CUL4A: variants seen among roughly 807,000 people sequenced by gnomAD.
The protein encoded by CUL4A is cullin-4A.
Under a neutral mutation model 95.5 loss-of-function variants are expected in CUL4A, and 16 were observed. The ratio of observed to expected loss-of-function variants is 0.17; its 90% confidence interval spans 0.11 to 0.25. The LOEUF is 0.25. Ranked by LOEUF, CUL4A falls within the 10% of genes least tolerant of loss-of-function variation. The pLI is 1.00. For synonymous variants in CUL4A, 380 were observed against 353.1 expected, an observed-to-expected ratio of 1.08 and a Z score of -0.85; for missense variants, 610 against 937.0, an observed-to-expected ratio of 0.65 and a Z score of 4.56.
At chr13:113,231,523 C>G (rs941136532) in intron 5 of CUL4A, among the ~76,000 whole-genome samples, 3 of 152,124 alleles carry the variant, frequency 2.0e-5, no homozygotes, top group Non-Finnish European at 4.4e-5. Context: ...AAGAGAAGAT[C>G]CCAGTGGCAG....
In CUL4A at chr13:113,239,533, C is replaced by G. The variant is rs760409659; in HGVS notation, c.1017C>G (p.His339Gln). The change falls in exon 10 of 20, where the codon CAC becomes CAG. Residue 339 changes from histidine to glutamine, a missense_variant. His to Gln is a conservative substitution (Grantham distance 24, BLOSUM62 0). Around this residue, in one of 10 missense-constraint regions of CUL4A, gnomAD observed 153 missense variants for 244.5 expected, o/e 0.63. Coordinates refer to ENST00000375440, the MANE Select transcript of CUL4A (RefSeq NM_001008895.4). ...VRGGQQALLQ[H>Q]WSEYIKTFGT... is the part of the protein sequence containing the mutation. ...GCGGGCAGCAGGCGCTGCTGCAGCA[C>G]TGGAGCGAGTACATCAAGGTACTGG... 6.2e-6 allele frequency: 10 copies of G among 1,613,140 alleles called. No individual in the cohort carries two copies. The South Asian group carries it at 1.1e-4, about 18-fold the overall frequency.
intron 8 of CUL4A, among the ~76,000 whole-genome samples, chr13:113,235,798 G>A (rs2139200817): frequency 6.6e-6 from 1 of 152,054 alleles, no homozygotes; most frequent in South Asian, 2.1e-4. Context: ...GTGAAACCCC[G>A]TCTCTACTAA....
At chr13:113,258,369 T>G (rs2042187267) in intron 18 of CUL4A, among the ~76,000 whole-genome samples, 1 of 152,238 alleles carries the variant, frequency 6.6e-6, no homozygotes, top group South Asian at 2.1e-4. Flanking sequence ...ATCACGCCTT[T>G]GCTCCCCCAA....
upstream of CUL4A, chr13:113,208,424 C>A (rs542991540): frequency 8.6e-4 from 1,280 of 1,493,848 alleles, 20 homozygotes; most frequent in Non-Finnish European, 1.0e-4. Flanking sequence ...CTCGGGCCGC[C>A]TTCCCGAGTC....
Position 113,245,979 on chromosome 13 carries a change from A to G in CUL4A, c.1554A>G (p.Ser518=), listed in dbSNP as rs764180399. The change falls in exon 15 of 20, where the codon TCA becomes TCG. Residue 518 remains serine, a synonymous_variant. Transcript: ENST00000375440. ...FKQHMQNQSD[S]GPIDLTVNIL... The stretch of plus-strand genomic sequence containing the variant: ...AGCATATGCAGAATCAGAGTGACTC[A>G]GGCCCTATAGACCTCACAGTGAACA... The G allele has an allele frequency of 1.9e-6, 3 of 1,613,584 alleles. No individual in the cohort carries two copies. In the African/African-American group the frequency reaches 4.0e-5, roughly 22 times the overall value.
rs139845438 is a variant in CUL4A at position 113,228,526 on chromosome 13, T to C, written c.438+481T>C. 5.1e-3 allele frequency among the ~76,000 whole-genome samples: 783 copies of C among 152,254 alleles called. 3 individuals are homozygous for C. Among genetic ancestry groups the C allele is most frequent in the Middle Eastern group, 0.024 (7 of 294 alleles). On this transcript the variant is annotated intron_variant, in intron 4 of 19. Coordinates refer to ENST00000375440, the MANE Select transcript of CUL4A (RefSeq NM_001008895.4). ...GAAATCTTCCGTTTTCTAAATGATATCAGTAGGAGACGATGGGTGTATTTC... is the reference window on the plus strand; with the variant it reads ...GAAATCTTCCGTTTTCTAAATGATACCAGTAGGAGACGATGGGTGTATTTC...
At chr13:113,258,976 A>G (rs2042201605) in intron 18 of CUL4A, among the ~76,000 whole-genome samples, 1 of 152,230 alleles carries the variant, frequency 6.6e-6, no homozygotes, top group Non-Finnish European at 1.5e-5. Flanking sequence ...AAGACAGGCT[A>G]ATGAAATGCT....
chr13:113,234,702 C>T lies in CUL4A; in HGVS notation c.766-361C>T, dbSNP rs1215058077. Among the ~76,000 whole-genome samples the T allele has an allele frequency of 4.6e-5, 7 of 152,280 alleles. No homozygotes were observed. The East Asian group carries it at 5.8e-4, about 13-fold the overall frequency. On this transcript the variant is annotated intron_variant, in intron 7 of 19. Coordinates refer to ENST00000375440, the MANE Select transcript of CUL4A (RefSeq NM_001008895.4). ...ACTTGCTTTTGCTGACCCAGCTGTGCGGGGCAGGGTTGCCATTTAGCACCT... is the reference window on the plus strand; with the variant it reads ...ACTTGCTTTTGCTGACCCAGCTGTGTGGGGCAGGGTTGCCATTTAGCACCT...
chr13:113,238,217 A>C (rs2041606489), intron 9 of CUL4A, among the ~76,000 whole-genome samples: 1 of 152,140 alleles, frequency 6.6e-6, no homozygotes, highest in African/African-American at 2.4e-5. Context: ...ATCACTTTGG[A>C]TCACTTGAGC....
intron 14 of CUL4A, 39 bp downstream of exon 14, chr13:113,245,276 G>A (rs2041826794): frequency 2.6e-6 from 4 of 1,564,492 alleles, no homozygotes; most frequent in Middle Eastern, 1.7e-4. Context: ...TTTTTAAAAA[G>A]TATCTGTTAG....
intron 12 of CUL4A, 43 bp downstream of exon 12, chr13:113,244,557 G>C: frequency 7.1e-7 from 1 of 1,402,740 alleles, no homozygotes; most frequent in South Asian, 1.2e-5. Context: ...ATCAAGAGGT[G>C]TAAACAGGCC....
intron 4 of CUL4A, 66 bp downstream of exon 4, chr13:113,228,111 A>C (rs1482271865): frequency 1.7e-6 from 2 of 1,191,180 alleles, no homozygotes; most frequent in Non-Finnish European, 2.5e-6. Flanking sequence ...CATGATTGAG[A>C]GCTGAGACAT....
intron 13 of CUL4A, 39 bp downstream of exon 13, chr13:113,245,098 G>A (rs748130482): frequency 6.2e-7 from 1 of 1,610,632 alleles, no homozygotes; most frequent in South Asian, 1.1e-5. Flanking sequence ...CTGTAACTGA[G>A]GGTTGCTGCC....
chr13:113,242,805 TA>T (rs2041756344), intron 10 of CUL4A, among the ~76,000 whole-genome samples, 162 bp from the exon 11 acceptor site: 1 of 152,242 alleles, frequency 6.6e-6, no homozygotes, highest in Non-Finnish European at 1.5e-5. Flanking sequence ...TGTATTCACT[TA>T]ATTTTTGAAA....
intron 5 of CUL4A, among the ~76,000 whole-genome samples, chr13:113,232,389 T>TTACTGTCACCACTACCCGCCCACCACC (rs1330995580): frequency 1.3e-5 from 2 of 149,162 alleles, no homozygotes; most frequent in African/African-American, 5.0e-5. Flanking sequence ...TCCACCACTA[T>TTACTGTCACCACTACCCGCCCACCACC]ATTACTGCTG....
Position 113,209,730 on chromosome 13 carries a change from G to A in CUL4A, c.103G>A (p.Gly35Arg). The change falls in exon 1 of 20, where the codon GGG becomes AGG. Residue 35 changes from glycine to arginine, a missense_variant. This residue lies in a region of CUL4A where 168 missense variants were observed against 185.5 expected (regional missense o/e 0.91). Transcript: ENST00000375440. ...AALAAAPAKP[G>R]GAGGSKKLVI... ...CCTGGCCGCCGCGCCCGCCAAGCCG[G>A]GGGGCGCGGGCGGCTCCAAGAAGCT... 2 of 1,165,952 alleles carry A rather than the reference G, an allele frequency of 1.7e-6. No homozygotes were observed. The highest frequency in any genetic ancestry group is 1.6e-5 in the African/African-American group (1 of 61,870). The allele number at this position is 1,165,952 out of a possible 1,614,324, so 72.2% of individuals were successfully genotyped here.
intron 16 of CUL4A, 59 bp from the exon 17 acceptor site, chr13:113,254,634 A>T: frequency 8.4e-7 from 1 of 1,197,506 alleles, no homozygotes; most frequent in Non-Finnish European, 1.2e-6. Context: ...AGCTTCTTTT[A>T]ATTTTTCAAA....
intron 7 of CUL4A, among the ~76,000 whole-genome samples, chr13:113,234,546 C>G (rs947688940): frequency 6.6e-6 from 1 of 152,202 alleles, no homozygotes; most frequent in Non-Finnish European, 1.5e-5. Context: ...ATGTCAGATA[C>G]TGAGCCCAGC....
intron 16 of CUL4A, among the ~76,000 whole-genome samples, chr13:113,254,408 C>T (rs772751576): frequency 6.6e-6 from 1 of 152,098 alleles, no homozygotes; most frequent in Non-Finnish European, 1.5e-5. Context: ...ACCATCCTGG[C>T]TAACACAGTG....
Sources: allele counts gnomAD v4.1 joint callset (sites outside exome capture counted in the v4.1 genomes callset), GRCh38; gene constraint gnomAD v4.1.1; regional missense constraint gnomAD v4.1.1; transcripts MANE v1.5; gene names NCBI Gene and HGNC (gene_info 2026-07-23, HGNC 2026-07-21).